FBXL17: variants seen among roughly 807,000 people sequenced by gnomAD.
The protein encoded by FBXL17 is F-box and leucine rich repeat protein 17, also known as F-box/LRR-repeat protein 17.
A neutral mutation model predicts 66.2 loss-of-function variants in FBXL17; 22 were observed. The observed-to-expected ratio is 0.33, with a 90% CI of 0.24 to 0.47. The LOEUF is 0.47. Ranked by LOEUF, FBXL17 falls within the 20% of genes least tolerant of loss-of-function variation. The pLI, the probability that FBXL17 is intolerant of heterozygous loss-of-function variation, is 1.00. For missense variants in FBXL17, 878 were observed against 948.2 expected (o/e 0.93, Z 0.97); for synonymous variants, 474 against 400.5 (o/e 1.18, Z -2.19).
intron 1 of FBXL17, among the ~76,000 whole-genome samples, chr5:108,370,024 G>A (rs1748921327): frequency 6.6e-6 from 1 of 152,034 alleles, no homozygotes; most frequent in Non-Finnish European, 1.5e-5. Flanking sequence ...GCACCACAGG[G>A]CACATGTACA....
intron 7 of FBXL17, among the ~76,000 whole-genome samples, chr5:107,965,594 T>C (rs528301631): frequency 1.1e-4 from 16 of 152,302 alleles, no homozygotes; most frequent in Non-Finnish European, 1.9e-4. Context: ...AGCACACAGT[T>C]TCCATGCAAA....
intron 7 of FBXL17, among the ~76,000 whole-genome samples, chr5:107,886,863 T>G (rs1223684279): frequency 6.6e-6 from 1 of 151,480 alleles, no homozygotes; most frequent in Non-Finnish European, 1.5e-5. Context: ...GTGAAAAACA[T>G]TCTACAAATT....
At chr5:107,941,453 C>T (rs1447491266) in intron 7 of FBXL17, among the ~76,000 whole-genome samples, 1 of 152,176 alleles carries the variant, frequency 6.6e-6, no homozygotes, top group South Asian at 2.1e-4. Flanking sequence ...GTGAGTTATT[C>T]CAACCCTCGG....
At chr5:108,304,991 G>C (rs577246203) in intron 4 of FBXL17, among the ~76,000 whole-genome samples, 28 of 152,074 alleles carry the variant, frequency 1.8e-4, no homozygotes, top group African/African-American at 6.5e-4. Context: ...CTTAAAAGAA[G>C]AATCTAGGGA....
At position 107,873,993 on chromosome 5, in the gene FBXL17, A is replaced by C. The variant is rs118170160; in HGVS notation, c.1965+7044T>G. Among the ~76,000 whole-genome samples, 129 of 152,222 alleles carry C rather than the reference A, an allele frequency of 8.5e-4. 1 individual carries two copies. In the East Asian group the frequency reaches 0.01, roughly 12 times the overall value. ...AGCTACTTGCAGCACGTTCCCTTAA[A>C]AGGTTCTACACAGATGTTGATTTTC... On this transcript the variant is annotated intron_variant, in intron 8 of 8. Coordinates refer to ENST00000542267, the MANE Select transcript of FBXL17 (RefSeq NM_001163315.3).
At chr5:107,973,494 C>T (rs1292124535) in intron 7 of FBXL17, among the ~76,000 whole-genome samples, 2 of 151,656 alleles carry the variant, frequency 1.3e-5, no homozygotes, top group African/African-American at 4.8e-5. Context: ...AGAGTGTGCA[C>T]CACTCTGCTA....
intron 6 of FBXL17, among the ~76,000 whole-genome samples, chr5:108,069,347 T>A (rs1580399329): frequency 1.3e-5 from 2 of 152,232 alleles, no homozygotes; most frequent in African/African-American, 4.8e-5. Context: ...TACTCTAGAA[T>A]ACATATTTTA....
intron 6 of FBXL17, among the ~76,000 whole-genome samples, chr5:108,096,141 A>G: frequency 6.6e-6 from 1 of 152,094 alleles, no homozygotes; most frequent in South Asian, 2.1e-4. Flanking sequence ...AACACAAAAT[A>G]CTCTGATTTT....
chr5:107,901,193 A>C (rs2112532311), intron 7 of FBXL17, among the ~76,000 whole-genome samples: 1 of 152,320 alleles, frequency 6.6e-6, no homozygotes, highest in African/African-American at 2.4e-5. Context: ...GTGGAAAAGA[A>C]AGAGTTCCAT....
At chr5:108,079,014 A>AT (rs879294022) in intron 6 of FBXL17, among the ~76,000 whole-genome samples, 14 of 147,402 alleles carry the variant, frequency 9.5e-5, no homozygotes, top group Admixed American at 4.1e-4. Context: ...GAACGATCTA[A>AT]TTTTTTTTTT....
chr5:108,030,017 A>C (rs928434032), intron 6 of FBXL17, among the ~76,000 whole-genome samples: 1 of 152,190 alleles, frequency 6.6e-6, no homozygotes, highest in African/African-American at 2.4e-5. Flanking sequence ...GGTTATAAAT[A>C]ACTTATAATC....
intron 4 of FBXL17, among the ~76,000 whole-genome samples, chr5:108,334,228 C>CT (rs1760270071): frequency 6.6e-6 from 1 of 152,308 alleles, no homozygotes; most frequent in South Asian, 2.1e-4. Context: ...AGCTTCCACT[C>CT]TGACTTCTAA....
intron 6 of FBXL17, among the ~76,000 whole-genome samples, chr5:108,097,093 G>T (rs114696152): frequency 6.6e-6 from 1 of 152,162 alleles, no homozygotes; most frequent in Admixed American, 6.5e-5. Flanking sequence ...GGATCATGGG[G>T]GCAGTTTCTC....
intron 6 of FBXL17, among the ~76,000 whole-genome samples, chr5:108,081,741 A>T (rs998306992): frequency 6.6e-6 from 1 of 152,056 alleles, no homozygotes; most frequent in Non-Finnish European, 1.5e-5. Context: ...AATAAATAAA[A>T]AATAAGAGCC....
At chr5:108,082,872 C>T (rs1382515593) in intron 6 of FBXL17, among the ~76,000 whole-genome samples, 1 of 152,140 alleles carries the variant, frequency 6.6e-6, no homozygotes, top group Non-Finnish European at 1.5e-5. Flanking sequence ...TAGTTGAATT[C>T]TTCCAATAAC....
intron 6 of FBXL17, among the ~76,000 whole-genome samples, chr5:108,095,499 T>C (rs1481878507): frequency 1.3e-5 from 2 of 152,154 alleles, no homozygotes; most frequent in African/African-American, 4.8e-5. Flanking sequence ...TAACCTCATA[T>C]ACTGTATAGG....
At chr5:108,249,182 A>T (rs1029063893) in intron 4 of FBXL17, among the ~76,000 whole-genome samples, 2 of 152,050 alleles carry the variant, frequency 1.3e-5, no homozygotes, top group African/African-American at 4.8e-5. Context: ...AAATGGGTAC[A>T]CTAATCATTC....
At chr5:108,101,484 T>C (rs763866519) in intron 6 of FBXL17, among the ~76,000 whole-genome samples, 53 of 152,322 alleles carry the variant, frequency 3.5e-4, no homozygotes, top group Non-Finnish European at 6.6e-4. Flanking sequence ...AAGGAAAACA[T>C]GAACAAGTGT....
At chr5:108,327,710 C>A (rs574562473) in intron 4 of FBXL17, among the ~76,000 whole-genome samples, 1 of 152,244 alleles carries the variant, frequency 6.6e-6, no homozygotes, top group African/African-American at 2.4e-5. Flanking sequence ...ATACATAAAG[C>A]AACCATTGGT....
Sources: gnomAD v4.1 joint callset for allele counts (sites outside exome capture counted in the v4.1 genomes callset) on GRCh38, gnomAD v4.1.1 for gene constraint, MANE v1.5 for transcripts, NCBI Gene and HGNC (gene_info 2026-07-23, HGNC 2026-07-21) for gene names.